USP45: variants seen among roughly 807,000 people sequenced by gnomAD.
USP45 encodes the protein ubiquitin carboxyl-terminal hydrolase 45.
Under a neutral mutation model 95.8 loss-of-function variants are expected in USP45, and 89 were observed. The ratio of observed to expected loss-of-function variants is 0.93; its 90% CI spans 0.78 to 1.11. The LOEUF (loss-of-function observed/expected upper bound fraction) is 1.11. Among genes scored for constraint, USP45 ranks in the 50% least tolerant of loss-of-function variants. The pLI, the probability that USP45 is intolerant of heterozygous loss-of-function variation, is 0.00. For synonymous variants in USP45, 281 were observed against 316.2 expected, an observed-to-expected ratio of 0.89 and a Z score of 1.18; for missense variants, 898 against 942.5, an observed-to-expected ratio of 0.95 and a Z score of 0.62.
At chr6:99,515,761 C>A (rs1801045688), upstream of USP45, among the ~76,000 whole-genome samples, 1 of 146,492 alleles carries the variant, frequency 6.8e-6, no homozygotes. Flanking sequence ...CGTTACCCTC[C>A]TCTGAACTCT....
At chr6:99,476,736 A>T (rs1790971896) in intron 8 of USP45, among the ~76,000 whole-genome samples, 1 of 152,244 alleles carries the variant, frequency 6.6e-6, no homozygotes, top group African/African-American at 2.4e-5. Context: ...ACAGCTAGCA[A>T]ATAAACCAGT....
chr6:99,516,378 T>C (rs183257460), upstream of USP45, among the ~76,000 whole-genome samples: 197 of 152,348 alleles, frequency 1.3e-3, no homozygotes, highest in Non-Finnish European at 2.4e-3. Context: ...CTTTCACAAC[T>C]CTTCAGCCAA....
intron 13 of USP45, among the ~76,000 whole-genome samples, chr6:99,453,135 C>A (rs1361626387): frequency 5.4e-5 from 8 of 148,716 alleles, no homozygotes; most frequent in African/African-American, 1.5e-4. Context: ...ATGTAACAAA[C>A]CTGCACGTTG....
At chr6:99,508,041 G>A (rs1798929856) in intron 3 of USP45, among the ~76,000 whole-genome samples, 1 of 152,062 alleles carries the variant, frequency 6.6e-6, no homozygotes, top group Admixed American at 6.6e-5. Context: ...ACAACCATGA[G>A]GTTGAGGATG....
chr6:99,464,578 C>T (rs748532477), intron 13 of USP45, 26 bp downstream of exon 13: 26 of 1,593,380 alleles, frequency 1.6e-5, no homozygotes, highest in East Asian at 4.5e-5. Flanking sequence ...AAAAAACAGA[C>T]GTCTAACAGA....
intron 15 of USP45, among the ~76,000 whole-genome samples, chr6:99,440,086 A>G (rs1202893852): frequency 6.6e-6 from 1 of 152,336 alleles, no homozygotes; most frequent in Non-Finnish European, 1.5e-5. Flanking sequence ...TAGGGGGAAT[A>G]GTTACTTTCA....
At chr6:99,494,872 T>TGA in intron 5 of USP45, among the ~76,000 whole-genome samples, 2 of 152,000 alleles carry the variant, frequency 1.3e-5, no homozygotes, top group Non-Finnish European at 2.9e-5. Context: ...CCAGACTAGG[T>TGA]GACAGAGTGA....
rs1582904616 is a variant in USP45 at position 99,433,859 on chromosome 6, C to A, written c.*1857G>T. The A allele has an allele frequency of 6.6e-6, 1 of 152,232 alleles. No homozygotes were observed. The highest frequency in any genetic ancestry group is 1.9e-4 in the East Asian group (1 of 5,186). 9.4% of individuals were successfully genotyped at this position (152,232 alleles called of 1,614,324 possible). A position where few individuals can be genotyped will look rare whatever the true frequency, so the allele number is the denominator to read the frequency against. ...AAAAGTGCATGCCTCTTAACAGTAT[C>A]TTTCTGTAAGAAAAATTAGGTGATC... is the stretch of plus-strand genomic sequence containing the variant. On this transcript the variant is annotated 3_prime_UTR_variant, in exon 18 of 18. Transcript: ENST00000500704.
chr6:99,456,171 T>C (rs564777052), intron 13 of USP45, among the ~76,000 whole-genome samples: 1 of 137,798 alleles, frequency 7.3e-6, no homozygotes, highest in African/African-American at 2.7e-5. Flanking sequence ...CTCATGAAAG[T>C]AGAGAGTAGA....
Position 99,508,781 on chromosome 6 carries a change from T to C in USP45, c.102A>G (p.Val34=). 6.2e-7 allele frequency: 1 copy of C among 1,608,578 alleles called. No individual in the cohort carries two copies. Among genetic ancestry groups the C allele is most frequent in the Non-Finnish European group, 8.5e-7 (1 of 1,178,182 alleles). Residue 34 remains valine, a splice_region_variant and synonymous_variant, in exon 3 of 18, where the codon GTA becomes GTG. Coordinates refer to ENST00000500704, the MANE Select transcript of USP45 (RefSeq NM_001346022.3). ...HDEDSSDDIA[V]GLTCQHVSHA... ...GACTTACATGTTGGCAAGTTAAACCTACTGAATAAGATAAAACAAAATCTC... is the reference window on the plus strand; with the variant it reads ...GACTTACATGTTGGCAAGTTAAACCCACTGAATAAGATAAAACAAAATCTC...
intron 5 of USP45, among the ~76,000 whole-genome samples, chr6:99,490,292 AAGC>A (rs1794882890): frequency 6.6e-6 from 1 of 151,746 alleles, no homozygotes; most frequent in South Asian, 2.1e-4. Flanking sequence ...GCCTCCTAAG[AAGC>A]TGAGATTACA....
At chr6:99,508,855 A>G (rs568204728) in intron 2 of USP45, 73 bp from the exon 3 acceptor site, 1 of 1,336,592 alleles carries the variant, frequency 7.5e-7, no homozygotes, top group South Asian at 1.5e-5. Context: ...AGCAAACCTC[A>G]AAAGTATTAA....
chr6:99,474,764 A>C (rs967890745), intron 9 of USP45, among the ~76,000 whole-genome samples: 24 of 152,198 alleles, frequency 1.6e-4, no homozygotes, highest in African/African-American at 5.3e-4. Flanking sequence ...GTCTTCTATG[A>C]GTAAGAGGGA....
intron 9 of USP45, among the ~76,000 whole-genome samples, chr6:99,474,041 A>T (rs1165101863): frequency 6.6e-6 from 1 of 152,202 alleles, no homozygotes; most frequent in African/African-American, 2.4e-5. Flanking sequence ...AATTAAAAAT[A>T]GGATTGTGAT....
intron 13 of USP45, among the ~76,000 whole-genome samples, chr6:99,453,060 G>C (rs1784244904): frequency 6.6e-6 from 1 of 151,756 alleles, no homozygotes; most frequent in African/African-American, 2.4e-5. Context: ...AAAGCATTAG[G>C]AGATATACCT....
chr6:99,511,367 A>G (rs1799744601), intron 1 of USP45, among the ~76,000 whole-genome samples: 1 of 151,794 alleles, frequency 6.6e-6, no homozygotes, highest in East Asian at 1.9e-4. Context: ...GTTAGTCAGA[A>G]TGGTCTCGAT....
At position 99,435,670 on chromosome 6, in the gene USP45, G is replaced by T; in HGVS notation, c.*46C>A. ...CACATTATATATTATAGTTATCACT[G>T]TGGCATTCAAAAACAAATGACCTAA... On this transcript the variant is annotated 3_prime_UTR_variant, in exon 18 of 18. Transcript: ENST00000500704. 1 of 1,533,144 alleles carries T rather than the reference G, an allele frequency of 6.5e-7. No homozygotes were observed. The allele number at this position is 1,533,144 out of a possible 1,614,324, so 95.0% of individuals were successfully genotyped here.
chr6:99,463,445 G>C (rs1787026745), intron 13 of USP45, among the ~76,000 whole-genome samples: 1 of 152,098 alleles, frequency 6.6e-6, no homozygotes, highest in Admixed American at 6.6e-5. Flanking sequence ...AGGTGACAGA[G>C]GAATCTGTTA....
At chr6:99,462,794 C>T (rs1221817356) in intron 13 of USP45, 2 of 556,424 alleles carry the variant, frequency 3.6e-6, no homozygotes, top group Non-Finnish European at 4.7e-6. Context: ...ACCAGCCCAG[C>T]CAACATGACA....
Sources: gnomAD v4.1 joint callset for allele counts (sites outside exome capture counted in the v4.1 genomes callset) on GRCh38, gnomAD v4.1.1 for gene constraint, MANE v1.5 for transcripts, NCBI Gene and HGNC (gene_info 2026-07-23, HGNC 2026-07-21) for gene names.